BEX3: variants seen among roughly 807,000 people sequenced by gnomAD.
BEX3 encodes protein BEX3.
Under a neutral mutation model 6.1 loss-of-function variants are expected in BEX3, and 1 was observed. The observed-to-expected ratio is 0.16, with a 90% CI of 0.06 to 0.78. The LOEUF is 0.78. Ranked by LOEUF, BEX3 falls within the 30% of genes least tolerant of loss-of-function variation. BEX3 has a pLI of 0.75. For missense variants in BEX3, 49 were observed against 84.7 expected, an observed-to-expected ratio of 0.58 and a Z score of 1.65; for synonymous variants, 33 against 25.2, an observed-to-expected ratio of 1.31 and a Z score of -0.93.
Position 103,378,140 on chromosome X carries a change from G to T in BEX3, c.*313G>T. ...TAACAGATGAACTAAAAAAAAATCT[G>T]AGATTAAATACACTAGAGTGTTAAT... On this transcript the variant is annotated 3_prime_UTR_variant, in exon 3 of 3. Transcript: ENST00000361298. The T allele has an allele frequency of 4.4e-6, 1 of 225,102 alleles. No homozygotes were observed. The allele number at this position is 225,102 out of a possible 1,213,427, so 18.6% of individuals were successfully genotyped here. A position where few individuals can be genotyped will look rare whatever the true frequency, so the allele number is the denominator to read the frequency against.
chrX:103,377,747 T>C lies in BEX3; in HGVS notation c.226T>C (p.Leu76=), dbSNP rs756240474. ...CAGAAGAAAACTTAGGGAGCTGCAG[T>C]TGAGGAATTGTCTGCGTATCCTTAT... ...EIRRKLRELQ[L]RNCLRILMGE... is the part of the protein sequence containing the mutation. Residue 76 remains leucine (L), a synonymous_variant, in exon 3 of 3, where the codon TTG becomes CTG. Coordinates refer to ENST00000361298, the MANE Select transcript of BEX3 (RefSeq NM_206917.3). 8.3e-7 allele frequency: 1 copy of C among 1,211,600 alleles called. No individual in the cohort carries two copies. The highest frequency in any genetic ancestry group is 2.2e-5 in the Admixed American group (1 of 46,085).
At chrX:103,376,673 G>A in intron 1 of BEX3, 60 bp downstream of exon 1, 1 of 575,033 alleles carries the variant, frequency 1.7e-6, no homozygotes, top group Non-Finnish European at 2.1e-6. Context: ...CGACCTCGGC[G>A]ACAGGCGCAG....
intron 1 of BEX3, 109 bp downstream of exon 1, chrX:103,376,722 C>A: frequency 7.2e-6 from 2 of 276,048 alleles, no homozygotes; most frequent in Non-Finnish European, 9.9e-6. Flanking sequence ...CTCCACACCC[C>A]AACATGCTTG....
intron 1 of BEX3, 70 bp downstream of exon 1, chrX:103,376,683 G>A (rs1052113732): frequency 1.0e-4 from 51 of 495,461 alleles, no homozygotes; most frequent in Non-Finnish European, 1.2e-4. Context: ...GACAGGCGCA[G>A]AACAGCGCAG....
chrX:103,377,809 AT>A lies in BEX3; in HGVS notation c.292del (p.Cys98AlafsTer11). Reference protein sequence around the residue: ...LSNHHDHHDEFCLMP With the variant: ...LSNHHDHHDEXCLMP ...CTAATCACCATGACCATCATGATGA[AT>A]TTTGCCTTATGCCTTGACTCCTGCC... On this transcript the variant is annotated frameshift_variant, in exon 3 of 3. Coordinates refer to ENST00000361298, the MANE Select transcript of BEX3 (RefSeq NM_206917.3). LOFTEE classifies it high-confidence loss of function. 1 of 1,194,815 alleles carries A rather than the reference AT, an allele frequency of 8.4e-7. No homozygotes were observed. Among genetic ancestry groups the A allele is most frequent in the Non-Finnish European group, 1.1e-6 (1 of 884,486 alleles).
At position 103,377,498 on chromosome X, in the gene BEX3, A is replaced by T; in HGVS notation, c.-12-12A>T. ...AGAAAAAAAAAATCTCATCATGGCAAATATTCACCAGGAAAACGAAGAGAT... is the reference window on the plus strand; with the variant it reads ...AGAAAAAAAAAATCTCATCATGGCATATATTCACCAGGAAAACGAAGAGAT... On this transcript the variant is annotated splice_polypyrimidine_tract_variant and intron_variant, in intron 2 of 2. Transcript: ENST00000361298. 1 of 1,196,171 alleles carries T rather than the reference A, an allele frequency of 8.4e-7. No individual in the cohort carries two copies. The highest frequency in any genetic ancestry group is 3.0e-5 in the East Asian group (1 of 33,682).
In BEX3 at chrX:103,377,498, A is replaced by C. The variant is rs1476392915; in HGVS notation, c.-12-12A>C. On this transcript the variant is annotated splice_polypyrimidine_tract_variant and intron_variant, in intron 2 of 2. Transcript: ENST00000361298. ...AGAAAAAAAAAATCTCATCATGGCAAATATTCACCAGGAAAACGAAGAGAT... is the reference window on the plus strand; with the variant it reads ...AGAAAAAAAAAATCTCATCATGGCACATATTCACCAGGAAAACGAAGAGAT... 8.4e-7 allele frequency: 1 copy of C among 1,196,171 alleles called. No homozygotes were observed. Among genetic ancestry groups the C allele is most frequent in the Non-Finnish European group, 1.1e-6 (1 of 889,493 alleles).
At chrX:103,376,397 G>C (rs1927221398), upstream of BEX3, 1 of 728,935 alleles carries the variant, frequency 1.4e-6, no homozygotes, top group South Asian at 7.1e-5. Context: ...TTTTTTGCGC[G>C]TGCATATGGC....
At chrX:103,376,695 G>T (rs990574727) in intron 1 of BEX3, 82 bp downstream of exon 1, 1 of 429,543 alleles carries the variant, frequency 2.3e-6, no homozygotes, top group Middle Eastern at 1.4e-3. Flanking sequence ...ACAGCGCAGG[G>T]GGTCCCCGCC....
At chrX:103,376,921 G>A (rs996346761) in intron 1 of BEX3, 107 bp from the exon 2 acceptor site, 74 of 115,260 alleles carry the variant, frequency 6.4e-4, no homozygotes, top group Non-Finnish European at 1.0e-3. Flanking sequence ...GCAGCGAGGG[G>A]AGCCCGGGCT....
In BEX3 at chrX:103,377,755, T is replaced by G; in HGVS notation, c.234T>G (p.Asn78Lys). 2.5e-6 allele frequency: 3 copies of G among 1,211,610 alleles called. No individual in the cohort carries two copies. The highest frequency in any genetic ancestry group is 3.4e-6 in the Non-Finnish European group (3 of 895,401). ...AACTTAGGGAGCTGCAGTTGAGGAA[T>G]TGTCTGCGTATCCTTATGGGGGAGC... ...RRKLRELQLR[N>K]CLRILMGELS... The change falls in exon 3 of 3, where the codon AAT becomes AAG. Residue 78 changes from asparagine (N) to lysine (K), a missense_variant. Asn to Lys is a moderately conservative substitution (Grantham distance 94). Transcript: ENST00000361298.
chrX:103,376,566 G>A lies in BEX3; in HGVS notation c.-139G>A. ...CGCGTCTGGCTACCAGCTCCCCGCT[G>A]CCCTGAGCTCGGCGGGCTGGCATTC... On this transcript the variant is annotated 5_prime_UTR_variant, in exon 1 of 3. Transcript: ENST00000361298. 1 of 754,212 alleles carries A rather than the reference G, an allele frequency of 1.3e-6. No homozygotes were observed. 62.2% of individuals were successfully genotyped at this position (754,212 alleles called of 1,213,427 possible).
intron 1 of BEX3, 51 bp from the exon 2 acceptor site, chrX:103,376,977 C>T: frequency 6.8e-6 from 1 of 147,074 alleles, no homozygotes; most frequent in Non-Finnish European, 1.2e-5. Context: ...CGCTAGCGTT[C>T]CGCTGCAGCA....
intron 2 of BEX3, 57 bp from the exon 3 acceptor site, chrX:103,377,453 G>A: frequency 2.6e-6 from 3 of 1,170,152 alleles, no homozygotes; most frequent in Non-Finnish European, 3.4e-6. Context: ...TGTCTTACTT[G>A]TGTTCAAAGA....
Position 103,377,676 on chromosome X carries a change from G to C in BEX3, c.155G>C (p.Gly52Ala), listed in dbSNP as rs1334177169. ...PNRQINDGMG[G>A]DGDDMEIFME... ...AGGCAGATCAATGATGGGATGGGTGGAGATGGAGATGATATGGAAATATTC... is the reference window on the plus strand; with the variant it reads ...AGGCAGATCAATGATGGGATGGGTGCAGATGGAGATGATATGGAAATATTC... The change falls in exon 3 of 3, where the codon GGA (glycine) becomes GCA (alanine). Residue 52 changes from glycine to alanine, a missense_variant. Physicochemically the swap from Gly to Ala is moderately conservative, Grantham distance 60. Transcript: ENST00000361298. The C allele has an allele frequency of 8.3e-7, 1 of 1,210,842 alleles. No individual in the cohort carries two copies. Among genetic ancestry groups the C allele is most frequent in the East Asian group, 3.0e-5 (1 of 33,808 alleles).
chrX:103,377,280 A>AGGT (rs1332167417), intron 2 of BEX3, among the ~76,000 whole-genome samples, 174 bp downstream of exon 2: 2 of 108,812 alleles, frequency 1.8e-5, no homozygotes, highest in Non-Finnish European at 3.8e-5. Flanking sequence ...GGGGGAAGGG[A>AGGT]GGTAAGGGGA....
chrX:103,377,342 A>T, intron 2 of BEX3, 168 bp from the exon 3 acceptor site: 2 of 630,286 alleles, frequency 3.2e-6, no homozygotes, highest in Non-Finnish European at 4.7e-6. Context: ...GACGCGCGGA[A>T]CTTCTAAGGT....
At chrX:103,376,850 C>G (rs1280318829) in intron 1 of BEX3, 178 bp from the exon 2 acceptor site, 2 of 57,201 alleles carry the variant, frequency 3.5e-5, no homozygotes, top group East Asian at 1.3e-3. Flanking sequence ...CAGCGAACAC[C>G]GCGGGGGGCT....
In BEX3 at chrX:103,377,083, A is replaced by G. The variant is rs1307267449; in HGVS notation, c.-36A>G. ...CCTCGCGGCGAGAATCCGGAGGAGA[A>G]GGAGACTGCAAGGATAGGCCCAGGT... On this transcript the variant is annotated 5_prime_UTR_variant, in exon 2 of 3. Coordinates refer to ENST00000361298, the MANE Select transcript of BEX3 (RefSeq NM_206917.3). 6.6e-6 allele frequency: 2 copies of G among 304,364 alleles called. No homozygotes were observed. Among genetic ancestry groups the G allele is most frequent in the Non-Finnish European group, 8.9e-6 (2 of 224,777 alleles). The allele number at this position is 304,364 out of a possible 1,213,427, so 25.1% of individuals were successfully genotyped here.
Sources: allele counts gnomAD v4.1 joint callset (sites outside exome capture counted in the v4.1 genomes callset), GRCh38; gene constraint gnomAD v4.1.1; transcripts MANE v1.5; gene names NCBI Gene and HGNC (gene_info 2026-07-23, HGNC 2026-07-21).